Variants in STX8 observed in about 807,000 individuals in gnomAD.
STX8 encodes syntaxin-8.
A neutral mutation model predicts 37.5 loss-of-function variants in STX8; 23 were observed. That is an observed-to-expected ratio of 0.61 (90% CI 0.44 to 0.87). The LOEUF (loss-of-function observed/expected upper bound fraction) is 0.87, where lower values mean the gene tolerates loss of function less well. STX8 is among the 40% of genes least tolerant of loss of function. The pLI is 0.00. For missense variants in STX8, 313 were observed against 284.7 expected (o/e 1.10, Z -0.71); for synonymous variants, 115 against 99.1 (o/e 1.16, Z -0.95).
chr17:9,373,219 C>T (rs1362988742), intron 7 of STX8, among the ~76,000 whole-genome samples: 2 of 152,004 alleles, frequency 1.3e-5, no homozygotes, highest in African/African-American at 2.4e-5. Flanking sequence ...ATGAAGGTTC[C>T]TCAAACATTT....
chr17:9,443,183 T>C (rs1364114137), intron 6 of STX8, among the ~76,000 whole-genome samples: 1 of 152,168 alleles, frequency 6.6e-6, no homozygotes, highest in Non-Finnish European at 1.5e-5. Context: ...CTTGGGAATG[T>C]GGAGGATCAT....
At chr17:9,566,393 T>G (rs751430214) in intron 2 of STX8, among the ~76,000 whole-genome samples, 2 of 152,252 alleles carry the variant, frequency 1.3e-5, no homozygotes, top group Non-Finnish European at 2.9e-5. Context: ...GAAGACGGTG[T>G]GGCAATTCCT....
intron 7 of STX8, among the ~76,000 whole-genome samples, chr17:9,333,802 T>A (rs79995353): frequency 2.0e-5 from 3 of 152,142 alleles, no homozygotes; most frequent in Non-Finnish European, 2.9e-5. Flanking sequence ...ATGGAAGACA[T>A]AGAAATTTTT....
intron 7 of STX8, among the ~76,000 whole-genome samples, chr17:9,336,440 CTTCT>C (rs1197188767): frequency 6.6e-6 from 1 of 150,652 alleles, no homozygotes; most frequent in South Asian, 2.1e-4. Context: ...CCCTTCCTTC[CTTCT>C]TTCTTTCTTG....
At chr17:9,575,224 T>C (rs1024911655) in intron 1 of STX8, among the ~76,000 whole-genome samples, 1 of 152,228 alleles carries the variant, frequency 6.6e-6, no homozygotes. Flanking sequence ...AAAGACTTCA[T>C]GATATTAACT....
intron 6 of STX8, among the ~76,000 whole-genome samples, chr17:9,480,917 C>T (rs1328291392): frequency 2.0e-5 from 3 of 146,806 alleles, no homozygotes; most frequent in Non-Finnish European, 2.9e-5. Context: ...TGGAGCCTTG[C>T]TCTGTCGCCC....
At chr17:9,293,133 A>T (rs1216762946) in intron 7 of STX8, among the ~76,000 whole-genome samples, 1 of 152,232 alleles carries the variant, frequency 6.6e-6, no homozygotes, top group Admixed American at 6.5e-5. Context: ...AGGTAGATAA[A>T]GAAAAATAAT....
chr17:9,329,495 C>A (rs982333500), intron 7 of STX8, among the ~76,000 whole-genome samples: 2 of 152,184 alleles, frequency 1.3e-5, no homozygotes, highest in Non-Finnish European at 2.9e-5. Context: ...GACACTGGAT[C>A]CAGGACAGGG....
At chr17:9,506,974 G>C (rs73973791) in intron 4 of STX8, among the ~76,000 whole-genome samples, 1 of 151,722 alleles carries the variant, frequency 6.6e-6, no homozygotes, top group African/African-American at 2.4e-5. Flanking sequence ...CCCAGGGCTC[G>C]GGAATGGCTG....
At chr17:9,465,515 G>C (rs1567572879) in intron 6 of STX8, among the ~76,000 whole-genome samples, 1 of 152,172 alleles carries the variant, frequency 6.6e-6, no homozygotes, top group Non-Finnish European at 1.5e-5. Flanking sequence ...GGGATGAATT[G>C]TGCGTGGTGA....
chr17:9,369,910 A>AG (rs1911350785), intron 7 of STX8, among the ~76,000 whole-genome samples: 4 of 142,332 alleles, frequency 2.8e-5, no homozygotes, highest in African/African-American at 1.0e-4. Context: ...AAAAAAAAAA[A>AG]GAAAGAAAAA....
At position 9,401,968 on chromosome 17, in the gene STX8, T is replaced by C. The variant is rs530970598; in HGVS notation, c.542-23315A>G. Among the ~76,000 whole-genome samples the C allele has an allele frequency of 1.1e-4, 16 of 152,236 alleles. No homozygotes were observed. The South Asian group carries it at 2.9e-3, about 28-fold the overall frequency. On this transcript the variant is annotated intron_variant, in intron 6 of 7. Transcript: ENST00000306357. ...GTTTCACCCTTCTAAAGGGGGGATG[T>C]GAAGGGAAGAGCTCTGTACCAGCAA...
chr17:9,519,863 T>A (rs1469323750), intron 4 of STX8, among the ~76,000 whole-genome samples: 10 of 129,862 alleles, frequency 7.7e-5, no homozygotes, highest in Non-Finnish European at 1.6e-5. Context: ...TCAACTCAAA[T>A]GTCAATTCTG....
At chr17:9,312,329 G>A (rs1909219947) in intron 7 of STX8, among the ~76,000 whole-genome samples, 2 of 151,910 alleles carry the variant, frequency 1.3e-5, no homozygotes, top group Admixed American at 6.6e-5. Context: ...GGCCTCCTGA[G>A]TAGCTGGGAT....
chr17:9,418,918 TTTTC>T (rs1330393802), intron 6 of STX8, among the ~76,000 whole-genome samples: 1 of 144,248 alleles, frequency 6.9e-6, no homozygotes, highest in Non-Finnish European at 1.5e-5. Flanking sequence ...CCCTCTTTTT[TTTTC>T]TTTTTTTTTT....
intron 7 of STX8, among the ~76,000 whole-genome samples, chr17:9,338,267 T>A (rs186559381): frequency 4.0e-4 from 61 of 152,164 alleles, no homozygotes; most frequent in Admixed American, 1.2e-3. Context: ...TTAGCCAGGC[T>A]GGTCTCAAAC....
intron 4 of STX8, among the ~76,000 whole-genome samples, chr17:9,519,362 ATT>A (rs112855565): frequency 6.7e-6 from 1 of 150,000 alleles, no homozygotes. Flanking sequence ...CATCCAAGCC[ATT>A]TTTTTTTTTT....
intron 7 of STX8, among the ~76,000 whole-genome samples, chr17:9,280,518 G>A (rs1313809781): frequency 6.6e-6 from 1 of 152,140 alleles, no homozygotes; most frequent in African/African-American, 2.4e-5. Flanking sequence ...GCACCATTGC[G>A]CTCCAGCTGG....
intron 2 of STX8, among the ~76,000 whole-genome samples, chr17:9,559,958 C>T (rs1299654374): frequency 6.7e-6 from 1 of 148,164 alleles, no homozygotes; most frequent in Non-Finnish European, 1.5e-5. Context: ...GACAGAGTTT[C>T]ACCATATTGG....
Sources: allele counts gnomAD v4.1 joint callset (sites outside exome capture counted in the v4.1 genomes callset), GRCh38; gene constraint gnomAD v4.1.1; transcripts MANE v1.5; gene names NCBI Gene and HGNC (gene_info 2026-07-23, HGNC 2026-07-21).